Variants in KCNH8 observed in about 807,000 individuals in gnomAD.
KCNH8 encodes potassium voltage-gated channel subfamily H member 8, also known as voltage-gated delayed rectifier potassium channel KCNH8.
A neutral mutation model predicts 103.6 loss-of-function variants in KCNH8; 70 were observed. The observed-to-expected ratio is 0.68, with a 90% CI of 0.56 to 0.82. The LOEUF (loss-of-function observed/expected upper bound fraction) is 0.82, where lower values mean the gene tolerates loss of function less well. KCNH8 is among the 40% of genes least tolerant of loss of function. The pLI is 0.00. For synonymous variants in KCNH8, 498 were observed against 489.4 expected, an observed-to-expected ratio of 1.02 and a Z score of -0.23; for missense variants, 1,217 against 1,329.9, an observed-to-expected ratio of 0.92 and a Z score of 1.32.
At chr3:19,318,005 GT>G (rs2065297354) in intron 3 of KCNH8, among the ~76,000 whole-genome samples, 1 of 151,892 alleles carries the variant, frequency 6.6e-6, no homozygotes. Context: ...GAAATAAAGC[GT>G]ATTCAAATAG....
intron 12 of KCNH8, among the ~76,000 whole-genome samples, chr3:19,511,681 G>C (rs1412474979): frequency 6.6e-6 from 1 of 151,228 alleles, no homozygotes. Flanking sequence ...GACTATCCCA[G>C]CAAAAAAAAA....
chr3:19,499,842 A>G (rs1276903829), intron 11 of KCNH8, among the ~76,000 whole-genome samples: 8 of 152,238 alleles, frequency 5.3e-5, no homozygotes, highest in Admixed American at 5.2e-4. Flanking sequence ...ATCATGCCAA[A>G]AAGTAAAGAC....
At chr3:19,333,830 A>G (rs1229261544) in intron 3 of KCNH8, among the ~76,000 whole-genome samples, 3 of 152,168 alleles carry the variant, frequency 2.0e-5, no homozygotes, top group Non-Finnish European at 4.4e-5. Flanking sequence ...AACACCCTTC[A>G]TCAATTCTCT....
chr3:19,484,531 T>G (rs2068163363), intron 11 of KCNH8, among the ~76,000 whole-genome samples: 1 of 152,192 alleles, frequency 6.6e-6, no homozygotes, highest in Admixed American at 6.5e-5. Flanking sequence ...GTCGTCCTCC[T>G]CAGAGTCACT....
chr3:19,305,913 A>T (rs1474232173), intron 3 of KCNH8, among the ~76,000 whole-genome samples: 3 of 152,048 alleles, frequency 2.0e-5, no homozygotes, highest in Non-Finnish European at 4.4e-5. Flanking sequence ...CTCATTTGTT[A>T]TATGGGAAAC....
At chr3:19,482,439 ACTAC>A (rs2068106963) in intron 11 of KCNH8, among the ~76,000 whole-genome samples, 1 of 152,062 alleles carries the variant, frequency 6.6e-6, no homozygotes, top group Non-Finnish European at 1.5e-5. Context: ...TTTTATTTTT[ACTAC>A]CTATGTCTTT....
At chr3:19,529,553 G>C (rs1297845239) in intron 15 of KCNH8, among the ~76,000 whole-genome samples, 2 of 152,096 alleles carry the variant, frequency 1.3e-5, no homozygotes, top group East Asian at 3.9e-4. Flanking sequence ...TGCATTCTTT[G>C]CCTTCAACAT....
intron 11 of KCNH8, among the ~76,000 whole-genome samples, chr3:19,504,418 T>G (rs961816805): frequency 3.3e-5 from 5 of 152,272 alleles, no homozygotes; most frequent in Non-Finnish European, 5.9e-5. Flanking sequence ...AGAAAATTTT[T>G]GCAAACCTTG....
chr3:19,199,867 C>A, intron 1 of KCNH8, among the ~76,000 whole-genome samples: 1 of 151,776 alleles, frequency 6.6e-6, no homozygotes. Flanking sequence ...CCTTTCTATC[C>A]GTATGAACTG....
chr3:19,392,671 A>G (rs1164263195), intron 6 of KCNH8, among the ~76,000 whole-genome samples: 1 of 152,066 alleles, frequency 6.6e-6, no homozygotes, highest in Non-Finnish European at 1.5e-5. Flanking sequence ...AGAACTGCAT[A>G]AGCTTTGGCT....
At chr3:19,151,192 T>C (rs1358770923) in intron 1 of KCNH8, among the ~76,000 whole-genome samples, 2 of 152,138 alleles carry the variant, frequency 1.3e-5, no homozygotes, top group Non-Finnish European at 2.9e-5. Flanking sequence ...GTTTTGTAAT[T>C]ACTATCTCTG....
chr3:19,490,645 CT>C (rs2068300217), intron 11 of KCNH8, among the ~76,000 whole-genome samples: 21 of 152,258 alleles, frequency 1.4e-4, no homozygotes, highest in Admixed American at 5.9e-4. Context: ...TTTACTTTTT[CT>C]TTCTTTGGAG....
At chr3:19,297,024 A>G (rs1433962152) in intron 3 of KCNH8, among the ~76,000 whole-genome samples, 1 of 152,198 alleles carries the variant, frequency 6.6e-6, no homozygotes, top group Non-Finnish European at 1.5e-5. Context: ...AAAAACATAC[A>G]TATCCAGATG....
intron 5 of KCNH8, among the ~76,000 whole-genome samples, chr3:19,390,134 C>G (rs2066415109): frequency 6.6e-6 from 1 of 152,066 alleles, no homozygotes; most frequent in Non-Finnish European, 1.5e-5. Context: ...TAAGTGATGA[C>G]TATTGTTGCT....
intron 15 of KCNH8, among the ~76,000 whole-genome samples, chr3:19,527,233 T>C (rs1490988300): frequency 3.3e-5 from 5 of 152,080 alleles, no homozygotes; most frequent in Admixed American, 6.6e-5. Context: ...TCTTCTGATA[T>C]TAGTTAAGTA....
At chr3:19,342,959 A>C (rs1042386610) in intron 4 of KCNH8, among the ~76,000 whole-genome samples, 2 of 152,154 alleles carry the variant, frequency 1.3e-5, no homozygotes, top group Non-Finnish European at 2.9e-5. Flanking sequence ...GCAGTGAAGT[A>C]CAATATGGTA....
At chr3:19,181,678 C>A (rs1187799670) in intron 1 of KCNH8, among the ~76,000 whole-genome samples, 7 of 151,980 alleles carry the variant, frequency 4.6e-5, no homozygotes, top group Admixed American at 2.6e-4. Context: ...AAATAGCAAA[C>A]AAACAAATTT....
chr3:19,226,815 G>C (rs2063937409), intron 1 of KCNH8, among the ~76,000 whole-genome samples: 1 of 152,050 alleles, frequency 6.6e-6, no homozygotes, highest in Admixed American at 6.5e-5. Flanking sequence ...TCAAGAGCAG[G>C]ACATATCTTA....
intron 5 of KCNH8, among the ~76,000 whole-genome samples, chr3:19,357,998 T>C (rs2065901070): frequency 6.6e-6 from 1 of 151,720 alleles, no homozygotes. Flanking sequence ...TATAAAGGAT[T>C]AAAAAGAAAA....
Sources: gnomAD v4.1 joint callset for allele counts (sites outside exome capture counted in the v4.1 genomes callset) on GRCh38, gnomAD v4.1.1 for gene constraint, MANE v1.5 for transcripts, NCBI Gene and HGNC (gene_info 2026-07-23, HGNC 2026-07-21) for gene names.